Variants in GPC5 observed in about 807,000 individuals in gnomAD.
GPC5 encodes glypican-5.
Under a neutral mutation model 53.9 loss-of-function variants are expected in GPC5, and 47 were observed. That is an observed-to-expected ratio of 0.87 (90% CI 0.69 to 1.11). GPC5 has a LOEUF of 1.11. Among genes scored for constraint, GPC5 ranks in the 50% most tolerant of loss-of-function variants. The pLI, the probability that GPC5 is intolerant of heterozygous loss-of-function variation, is 0.00. For synonymous variants in GPC5, 286 were observed against 263.3 expected (o/e 1.09, Z -0.84); for missense variants, 748 against 713.1 (o/e 1.05, Z -0.56).
In GPC5 at chr13:91,625,815, T is replaced by C. The variant is rs148550015; in HGVS notation, c.326-67372T>C. 2.3e-3 allele frequency among the ~76,000 whole-genome samples: 344 copies of C among 152,242 alleles called. 3 individuals carry two copies. The highest frequency in any genetic ancestry group is 7.8e-3 in the African/African-American group (325 of 41,576). On this transcript the variant is annotated intron_variant, in intron 2 of 7. Coordinates refer to ENST00000377067, the MANE Select transcript of GPC5 (RefSeq NM_004466.6). ...ATAAATATAATACATAGAGTTTTCA[T>C]TGAAAATAGTAACATATTGATCAGT... is the stretch of plus-strand genomic sequence containing the variant.
Position 91,673,431 on chromosome 13 carries a change from C to T in GPC5, c.326-19756C>T, listed in dbSNP as rs16946493. On this transcript the variant is annotated intron_variant, in intron 2 of 7. Coordinates refer to ENST00000377067, the MANE Select transcript of GPC5 (RefSeq NM_004466.6). ...TCTATACTAACCATCGATGACATAA[C>T]AACTGGTTGTTCACTTTGTGCTTCA... Among the ~76,000 whole-genome samples, 1,406 of 152,172 alleles carry T rather than the reference C, an allele frequency of 9.2e-3. 20 individuals are homozygous for T. The highest frequency in any genetic ancestry group is 0.032 in the African/African-American group (1,312 of 41,518).
At chr13:91,634,202 A>G (rs1212279253) in intron 2 of GPC5, among the ~76,000 whole-genome samples, 2 of 152,028 alleles carry the variant, frequency 1.3e-5, no homozygotes, top group African/African-American at 4.8e-5. Context: ...ATCTATTTCT[A>G]AAATTGCTAA....
chr13:92,202,879 C>A (rs1281142581), intron 7 of GPC5, among the ~76,000 whole-genome samples: 1 of 152,048 alleles, frequency 6.6e-6, no homozygotes, highest in Non-Finnish European at 1.5e-5. Flanking sequence ...TTCTGAAGCA[C>A]ATTTTTTACA....
intron 7 of GPC5, among the ~76,000 whole-genome samples, chr13:92,498,101 G>A (rs1309416124): frequency 2.0e-5 from 3 of 151,940 alleles, no homozygotes; most frequent in Admixed American, 2.0e-4. Flanking sequence ...TTACCTGATT[G>A]CACTGGCCAG....
chr13:92,151,697 A>G lies in GPC5; in HGVS notation c.1561+6708A>G, dbSNP rs559870586. Among the ~76,000 whole-genome samples, 5 of 152,248 alleles carry G rather than the reference A, an allele frequency of 3.3e-5. No homozygotes were observed. The South Asian group carries it at 1.0e-3, about 32-fold the overall frequency. The stretch of plus-strand genomic sequence containing the variant: ...AAGGATACTTCTATTTTGAAATAGT[A>G]CCTCTGGTATCTCAGCAGAAATGTT... On this transcript the variant is annotated intron_variant, in intron 7 of 7. Coordinates refer to ENST00000377067, the MANE Select transcript of GPC5 (RefSeq NM_004466.6).
chr13:91,568,314 C>T (rs1010645370), intron 2 of GPC5, among the ~76,000 whole-genome samples: 3 of 152,154 alleles, frequency 2.0e-5, no homozygotes, highest in Admixed American at 6.6e-5. Flanking sequence ...TCATCCAGAA[C>T]TACTGAATCT....
chr13:92,493,800 G>A (rs1284867472), intron 7 of GPC5, among the ~76,000 whole-genome samples: 3 of 152,024 alleles, frequency 2.0e-5, no homozygotes, highest in Non-Finnish European at 2.9e-5. Flanking sequence ...AGTCACTTCC[G>A]GTCTGAAACT....
chr13:92,300,294 T>C (rs1033107304), intron 7 of GPC5, among the ~76,000 whole-genome samples: 1 of 151,904 alleles, frequency 6.6e-6, no homozygotes, highest in African/African-American at 2.4e-5. Flanking sequence ...CTTTAGAGAG[T>C]TTGGGTTCTC....
At chr13:91,874,556 C>A (rs1188437227) in intron 5 of GPC5, among the ~76,000 whole-genome samples, 1 of 152,086 alleles carries the variant, frequency 6.6e-6, no homozygotes, top group Non-Finnish European at 1.5e-5. Flanking sequence ...GACTACCCTT[C>A]TGTTGAATTT....
chr13:91,883,852 AT>A (rs1241705384), intron 5 of GPC5, among the ~76,000 whole-genome samples: 2 of 152,090 alleles, frequency 1.3e-5, no homozygotes, highest in Non-Finnish European at 2.9e-5. Flanking sequence ...AACTCGTGTC[AT>A]GGGGGTTTGT....
At chr13:92,654,155 A>AAAG (rs1594385940) in intron 7 of GPC5, among the ~76,000 whole-genome samples, 1 of 152,228 alleles carries the variant, frequency 6.6e-6, no homozygotes, top group African/African-American at 2.4e-5. Flanking sequence ...TGCCTTCCAA[A>AAAG]AAGTGCAAAC....
chr13:92,478,821 A>G (rs1387857601), intron 7 of GPC5, among the ~76,000 whole-genome samples: 1 of 152,124 alleles, frequency 6.6e-6, no homozygotes, highest in South Asian at 2.1e-4. Flanking sequence ...CTAACAGACA[A>G]AAAGAAATCT....
At chr13:91,406,939 A>G (rs1877370670) in intron 1 of GPC5, among the ~76,000 whole-genome samples, 1 of 152,236 alleles carries the variant, frequency 6.6e-6, no homozygotes, top group African/African-American at 2.4e-5. Flanking sequence ...AATGGAAGGT[A>G]GGGACTCAAA....
rs574258246 is a variant in GPC5 at position 92,295,265 on chromosome 13, C to G, written c.1561+150276C>G. On this transcript the variant is annotated intron_variant, in intron 7 of 7. Coordinates refer to ENST00000377067, the MANE Select transcript of GPC5 (RefSeq NM_004466.6). ...AGTTTTTAAATTTCTATCCTGATTT[C>G]ATTTTTGACCCAATGATCATTCAGG... Among the ~76,000 whole-genome samples, 43 of 152,286 alleles carry G rather than the reference C, an allele frequency of 2.8e-4. 1 individual carries two copies. Among genetic ancestry groups the G allele is most frequent in the African/African-American group, 1.0e-3 (43 of 41,556 alleles).
At chr13:91,764,131 A>T (rs1018159895) in intron 5 of GPC5, among the ~76,000 whole-genome samples, 8 of 152,188 alleles carry the variant, frequency 5.3e-5, no homozygotes, top group Non-Finnish European at 8.8e-5. Flanking sequence ...CAGAGGGCCA[A>T]CTGTAATACA....
rs370754589 is a variant in GPC5 at position 91,504,840 on chromosome 13, A to G, written c.325+55918A>G. Among the ~76,000 whole-genome samples the G allele has an allele frequency of 3.9e-5, 6 of 151,992 alleles. No homozygotes were observed. In the East Asian group the frequency reaches 7.7e-4, roughly 20 times the overall value. On this transcript the variant is annotated intron_variant, in intron 2 of 7. Coordinates refer to ENST00000377067, the MANE Select transcript of GPC5 (RefSeq NM_004466.6). ...ATGGTGGCATGCACCTGTAGTCCCA[A>G]CTACTTGGGAGGCTGAAGTAGGAGG... is the stretch of plus-strand genomic sequence containing the variant.
intron 6 of GPC5, among the ~76,000 whole-genome samples, chr13:91,917,960 C>T (rs1340580051): frequency 2.0e-5 from 3 of 152,296 alleles, no homozygotes; most frequent in South Asian, 4.1e-4. Context: ...TACAGCAGCG[C>T]CTCACTACCT....
chr13:92,150,216 G>A (rs1051897179), intron 7 of GPC5, among the ~76,000 whole-genome samples: 3 of 151,346 alleles, frequency 2.0e-5, no homozygotes, highest in African/African-American at 4.9e-5. Context: ...AGTAATGATT[G>A]CACACTTTGA....
chr13:92,331,371 T>G (rs2043286865), intron 7 of GPC5, among the ~76,000 whole-genome samples: 1 of 152,210 alleles, frequency 6.6e-6, no homozygotes, highest in South Asian at 2.1e-4. Context: ...GGTCTTCTCT[T>G]TGTCTCTGGA....
Sources: allele counts gnomAD v4.1 joint callset (sites outside exome capture counted in the v4.1 genomes callset), GRCh38; gene constraint gnomAD v4.1.1; transcripts MANE v1.5; gene names NCBI Gene and HGNC (gene_info 2026-07-23, HGNC 2026-07-21).